AUH: variants seen among roughly 807,000 people sequenced by gnomAD.
AUH encodes AU RNA binding methylglutaconyl-CoA hydratase, also known as methylglutaconyl-CoA hydratase, mitochondrial.
A neutral mutation model predicts 42.3 loss-of-function variants in AUH; 29 were observed. That is an observed-to-expected ratio of 0.69 (90% CI 0.51 to 0.93). AUH has a LOEUF of 0.93. Ranked by LOEUF, AUH falls within the 40% of genes least tolerant of loss-of-function variation. AUH has a pLI of 0.00. For synonymous variants in AUH, 174 were observed against 166.4 expected (o/e 1.05, Z -0.35); for missense variants, 452 against 438.1 (o/e 1.03, Z -0.28).
chr9:91,316,269 C>G (rs1367552736), intron 4 of AUH, among the ~76,000 whole-genome samples: 1 of 152,070 alleles, frequency 6.6e-6, no homozygotes, highest in Admixed American at 6.5e-5. Flanking sequence ...AGTGTACAGA[C>G]AGAAGAACCA....
intron 4 of AUH, among the ~76,000 whole-genome samples, chr9:91,312,200 T>C (rs945018573): frequency 6.6e-6 from 1 of 152,310 alleles, no homozygotes; most frequent in East Asian, 1.9e-4. Flanking sequence ...TGTAAGTTGC[T>C]TATAAACTCT....
intron 6 of AUH, among the ~76,000 whole-genome samples, chr9:91,266,835 T>C (rs1034584221): frequency 1.3e-5 from 2 of 152,182 alleles, no homozygotes; most frequent in African/African-American, 2.4e-5. Context: ...CTTAGAGGTA[T>C]GTATAGTTGA....
intron 6 of AUH, among the ~76,000 whole-genome samples, chr9:91,281,719 G>GT (rs1358763428): frequency 1.3e-5 from 2 of 152,018 alleles, no homozygotes; most frequent in African/African-American, 4.8e-5. Flanking sequence ...TTTCTTTTAT[G>GT]TTACCCATCT....
chr9:91,292,181 T>C (rs1305685545), intron 6 of AUH, among the ~76,000 whole-genome samples: 1 of 151,842 alleles, frequency 6.6e-6, no homozygotes, highest in Non-Finnish European at 1.5e-5. Context: ...AAACAACACC[T>C]CTTCAGCTCT....
At chr9:91,270,939 T>C (rs1047318945) in intron 6 of AUH, among the ~76,000 whole-genome samples, 4 of 152,172 alleles carry the variant, frequency 2.6e-5, no homozygotes, top group African/African-American at 9.7e-5. Context: ...TGTCCTAATA[T>C]GATCAAACTA....
rs899494275 is a variant in AUH at position 91,282,769 on chromosome 9, C to T, written c.655+13252G>A. Among the ~76,000 whole-genome samples the T allele has an allele frequency of 4.6e-5, 7 of 152,198 alleles. No homozygotes were observed. The South Asian group carries it at 6.2e-4, about 14-fold the overall frequency. On this transcript the variant is annotated intron_variant, in intron 6 of 9. Transcript: ENST00000375731. ...CTCCCAAGACGAAACCAGGAAGAAGCTGAATCCCTGAATAGACCAATAACA... is the reference window on the plus strand; with the variant it reads ...CTCCCAAGACGAAACCAGGAAGAAGTTGAATCCCTGAATAGACCAATAACA...
At chr9:91,232,308 T>C (rs938573164) in intron 6 of AUH, among the ~76,000 whole-genome samples, 1 of 152,140 alleles carries the variant, frequency 6.6e-6, no homozygotes, top group Non-Finnish European at 1.5e-5. Flanking sequence ...AGGAAGTGGA[T>C]GCTACAGTGA....
intron 4 of AUH, among the ~76,000 whole-genome samples, chr9:91,313,724 A>AG (rs1353051451): frequency 6.6e-6 from 1 of 151,144 alleles, no homozygotes; most frequent in African/African-American, 2.4e-5. Context: ...AAAAAAAAAA[A>AG]AAAAAAAGAA....
chr9:91,332,609 C>T (rs764753417), intron 3 of AUH, among the ~76,000 whole-genome samples: 4 of 152,162 alleles, frequency 2.6e-5, no homozygotes. Context: ...TAAATGGTTG[C>T]GGCTTGTGCC....
At chr9:91,266,577 T>C (rs1178331875) in intron 6 of AUH, among the ~76,000 whole-genome samples, 1 of 152,132 alleles carries the variant, frequency 6.6e-6, no homozygotes, top group Non-Finnish European at 1.5e-5. Context: ...TGGGTAAGGA[T>C]TACACAATAT....
intron 4 of AUH, among the ~76,000 whole-genome samples, chr9:91,324,527 A>C (rs987573885): frequency 3.3e-5 from 5 of 150,224 alleles, no homozygotes; most frequent in African/African-American, 1.2e-4. Flanking sequence ...AATTAAAAAA[A>C]AAAAAAAACT....
At chr9:91,269,849 C>CA (rs1467769277) in intron 6 of AUH, among the ~76,000 whole-genome samples, 1 of 152,030 alleles carries the variant, frequency 6.6e-6, no homozygotes, top group Non-Finnish European at 1.5e-5. Context: ...TTCCACAAAA[C>CA]AAAAAAACAT....
chr9:91,344,642 T>C (rs905893879), intron 3 of AUH, among the ~76,000 whole-genome samples: 1 of 152,172 alleles, frequency 6.6e-6, no homozygotes, highest in African/African-American at 2.4e-5. Context: ...GTTGGTGAAT[T>C]TTACCAAACA....
At chr9:91,284,654 G>C (rs892644008) in intron 6 of AUH, among the ~76,000 whole-genome samples, 4 of 152,120 alleles carry the variant, frequency 2.6e-5, no homozygotes, top group Non-Finnish European at 5.9e-5. Flanking sequence ...AGTAGGCGAA[G>C]GATATGAACA....
chr9:91,305,635 G>A lies in AUH; in HGVS notation c.506-7559C>T, dbSNP rs1017062179. Among the ~76,000 whole-genome samples the A allele has an allele frequency of 2.6e-5, 4 of 151,996 alleles. No individual in the cohort carries two copies. In the East Asian group the frequency reaches 5.8e-4, roughly 22 times the overall value. ...TGCCTTCCTACCTTTCTATATATAC[G>A]CTTATGTATCTAGCAAATACTTAAA... is the stretch of plus-strand genomic sequence containing the variant. On this transcript the variant is annotated intron_variant, in intron 4 of 9. Coordinates refer to ENST00000375731, the MANE Select transcript of AUH (RefSeq NM_001698.3).
chr9:91,268,462 ACTCT>A (rs1824832979), intron 6 of AUH, among the ~76,000 whole-genome samples: 1 of 151,840 alleles, frequency 6.6e-6, no homozygotes, highest in African/African-American at 2.4e-5. Context: ...ACGGAGTCTC[ACTCT>A]GCTGCCCAGG....
intron 3 of AUH, among the ~76,000 whole-genome samples, chr9:91,353,406 A>G (rs895300808): frequency 6.6e-6 from 1 of 152,118 alleles, no homozygotes; most frequent in African/African-American, 2.4e-5. Flanking sequence ...TAATATTACT[A>G]CTTTGGAGTA....
At chr9:91,256,494 G>A (rs1478224791) in intron 6 of AUH, among the ~76,000 whole-genome samples, 2 of 152,076 alleles carry the variant, frequency 1.3e-5, no homozygotes, top group South Asian at 2.1e-4. Context: ...TTCCAGCTAT[G>A]CATTACGGAC....
intron 3 of AUH, among the ~76,000 whole-genome samples, chr9:91,329,020 T>A (rs1034655914): frequency 1.3e-5 from 2 of 152,194 alleles, no homozygotes; most frequent in African/African-American, 4.8e-5. Context: ...ATTCATACAA[T>A]ATGTGGTCTT....
Sources: gnomAD v4.1 joint callset for allele counts (sites outside exome capture counted in the v4.1 genomes callset) on GRCh38, gnomAD v4.1.1 for gene constraint, MANE v1.5 for transcripts, NCBI Gene and HGNC (gene_info 2026-07-23, HGNC 2026-07-21) for gene names.